The following UBE2R2 variants were observed in gnomAD, a reference collection of about 807,000 sequenced individuals.
The protein encoded by UBE2R2 is ubiquitin-conjugating enzyme E2 R2.
A neutral mutation model predicts 27.8 loss-of-function variants in UBE2R2; 1 was observed. The observed-to-expected ratio is 0.04, with a 90% CI of 0.01 to 0.17. The LOEUF (loss-of-function observed/expected upper bound fraction) is 0.17. Ranked by LOEUF, UBE2R2 falls within the 10% of genes least tolerant of loss-of-function variation. UBE2R2 has a pLI of 1.00. For synonymous variants in UBE2R2, 106 were observed against 113.3 expected (o/e 0.94, Z 0.41); for missense variants, 100 against 291.0 (o/e 0.34, Z 4.78).
At chr9:33,826,132 T>C (rs1265863545) in intron 1 of UBE2R2, among the ~76,000 whole-genome samples, 2 of 145,696 alleles carry the variant, frequency 1.4e-5, no homozygotes, top group African/African-American at 5.1e-5. Context: ...AGCAACAGAA[T>C]GGGACTCTGT....
At chr9:33,847,161 G>C (rs971372351) in intron 1 of UBE2R2, among the ~76,000 whole-genome samples, 1 of 151,944 alleles carries the variant, frequency 6.6e-6, no homozygotes, top group Non-Finnish European at 1.5e-5. Flanking sequence ...GCAGTGGCAT[G>C]ATCTTGGCTC....
intron 1 of UBE2R2, among the ~76,000 whole-genome samples, chr9:33,884,198 A>ATCTCTCTCTCTCTCTCTCTCTC (rs777923492): frequency 0.013 from 828 of 63,470 alleles, 103 homozygotes; most frequent in East Asian, 0.07. Flanking sequence ...CAACTTAAGA[A>ATCTCTCTCTCTCTCTCTCTCTC]TCTCTCTCTC....
intron 1 of UBE2R2, among the ~76,000 whole-genome samples, chr9:33,876,871 G>A (rs564065786): frequency 6.6e-5 from 10 of 151,824 alleles, no homozygotes; most frequent in Non-Finnish European, 1.3e-4. Flanking sequence ...AGCCGAGATC[G>A]TGCCACTGCA....
rs545710661 is a variant in UBE2R2 at position 33,824,977 on chromosome 9, T to G, written c.177+7043T>G. Among the ~76,000 whole-genome samples, 5 of 152,250 alleles carry G rather than the reference T, an allele frequency of 3.3e-5. 1 individual carries two copies. The South Asian group carries it at 1.0e-3, about 32-fold the overall frequency. Reference sequence around the variant, plus strand: ...TGCTAAAATAAGGATTATTTCTTCCTGGATTGAAGGATTTAGGTCCTAATT... The same window carrying G: ...TGCTAAAATAAGGATTATTTCTTCCGGGATTGAAGGATTTAGGTCCTAATT... On this transcript the variant is annotated intron_variant, in intron 1 of 4. Transcript: ENST00000263228.
chr9:33,832,878 A>G (rs1017367871), intron 1 of UBE2R2, among the ~76,000 whole-genome samples: 3 of 152,094 alleles, frequency 2.0e-5, no homozygotes, highest in Admixed American at 6.6e-5. Context: ...GTATAGTCAC[A>G]TTCAGTTTTT....
At chr9:33,816,021 C>T (rs1825746558), upstream of UBE2R2, among the ~76,000 whole-genome samples, 1 of 152,026 alleles carries the variant, frequency 6.6e-6, no homozygotes, top group Non-Finnish European at 1.5e-5. Context: ...TTGCAGTGGG[C>T]CATGATCGCG....
chr9:33,903,186 A>G (rs10971778), intron 3 of UBE2R2, among the ~76,000 whole-genome samples: 20,632 of 152,206 alleles, frequency 0.14, 1,667 homozygotes, highest in Middle Eastern at 0.23. Flanking sequence ...TAATTGTAGC[A>G]CATTATTTTG....
At chr9:33,858,990 T>A (rs935444188) in intron 1 of UBE2R2, among the ~76,000 whole-genome samples, 1 of 151,872 alleles carries the variant, frequency 6.6e-6, no homozygotes, top group Non-Finnish European at 1.5e-5. Flanking sequence ...CACACCCGGC[T>A]AATTTTTGTA....
chr9:33,880,011 A>G (rs1821697920), intron 1 of UBE2R2, among the ~76,000 whole-genome samples: 1 of 151,234 alleles, frequency 6.6e-6, no homozygotes, highest in Non-Finnish European at 1.5e-5. Context: ...TCAGCCTCCC[A>G]AGTAGCTGGG....
rs1173371071 is a variant in UBE2R2 at position 33,918,483 on chromosome 9, C to T, written c.*1246C>T. Reference sequence around the variant, plus strand: ...CAGGGCTGAGGGAGTTGACTGCAGGCAGTTTTTAGGCCAGATAAGGCTAGA... The same window carrying T: ...CAGGGCTGAGGGAGTTGACTGCAGGTAGTTTTTAGGCCAGATAAGGCTAGA... On this transcript the variant is annotated 3_prime_UTR_variant, in exon 5 of 5. Transcript: ENST00000263228. 1 of 151,814 alleles carries T rather than the reference C, an allele frequency of 6.6e-6. No homozygotes were observed. Among genetic ancestry groups the T allele is most frequent in the East Asian group, 1.9e-4 (1 of 5,162 alleles). 9.4% of individuals were successfully genotyped at this position (151,814 alleles called of 1,614,324 possible).
intron 4 of UBE2R2, among the ~76,000 whole-genome samples, chr9:33,916,166 C>A (rs1822636236): frequency 6.6e-6 from 1 of 152,160 alleles, no homozygotes; most frequent in Admixed American, 6.5e-5. Flanking sequence ...CATGGTGAAA[C>A]CCCATCTCTA....
intron 4 of UBE2R2, among the ~76,000 whole-genome samples, chr9:33,915,048 T>G (rs1356593044): frequency 6.6e-6 from 1 of 151,442 alleles, no homozygotes; most frequent in Non-Finnish European, 1.5e-5. Flanking sequence ...GAGGATTGCT[T>G]GAGCTCTGGA....
chr9:33,887,540 T>C (rs1821887764), intron 2 of UBE2R2, among the ~76,000 whole-genome samples: 1 of 152,220 alleles, frequency 6.6e-6, no homozygotes, highest in South Asian at 2.1e-4. Flanking sequence ...TTTGGGCTAA[T>C]CCATAAGGAT....
intron 1 of UBE2R2, among the ~76,000 whole-genome samples, chr9:33,879,141 CAGGATCGCTTG>C (rs1006533740): frequency 1.3e-5 from 2 of 152,046 alleles, no homozygotes; most frequent in African/African-American, 4.8e-5. Flanking sequence ...GAGGCTGGGG[CAGGATCGCTTG>C]AGCCTGCGAG....
intron 4 of UBE2R2, among the ~76,000 whole-genome samples, chr9:33,913,837 G>T (rs1258280277): frequency 6.6e-6 from 1 of 152,124 alleles, no homozygotes; most frequent in Non-Finnish European, 1.5e-5. Context: ...TCTTTTATGG[G>T]ATTACAAGGA....
intron 1 of UBE2R2, among the ~76,000 whole-genome samples, chr9:33,858,413 A>G (rs1236558204): frequency 6.6e-6 from 1 of 152,102 alleles, no homozygotes; most frequent in Non-Finnish European, 1.5e-5. Flanking sequence ...TAGAGTATAG[A>G]TGTTAATTTT....
intron 1 of UBE2R2, among the ~76,000 whole-genome samples, chr9:33,819,435 C>G (rs1825922108): frequency 6.6e-6 from 1 of 152,178 alleles, no homozygotes; most frequent in East Asian, 1.9e-4. Flanking sequence ...CCCCTACCAA[C>G]TGTTAGGCTT....
Position 33,895,002 on chromosome 9 carries a change from C to A in UBE2R2, c.265-5172C>A, listed in dbSNP as rs538716846. ...GGCATGAGCCACTGTACCTGGCCTT[C>A]CCTATTATTGAAATGGATATCTTTT... is the stretch of plus-strand genomic sequence containing the variant. On this transcript the variant is annotated intron_variant, in intron 2 of 4. Coordinates refer to ENST00000263228, the MANE Select transcript of UBE2R2 (RefSeq NM_017811.4). 4.6e-5 allele frequency among the ~76,000 whole-genome samples: 7 copies of A among 152,254 alleles called. No homozygotes were observed. In the South Asian group the frequency reaches 1.5e-3, roughly 32 times the overall value.
intron 3 of UBE2R2, among the ~76,000 whole-genome samples, chr9:33,909,272 G>A (rs1822433479): frequency 6.6e-6 from 1 of 152,032 alleles, no homozygotes; most frequent in Admixed American, 6.6e-5. Context: ...AATAACCTAA[G>A]GTCAGGAGTT....
Sources: gnomAD v4.1 joint callset for allele counts (sites outside exome capture counted in the v4.1 genomes callset) on GRCh38, gnomAD v4.1.1 for gene constraint, MANE v1.5 for transcripts, NCBI Gene and HGNC (gene_info 2026-07-23, HGNC 2026-07-21) for gene names.